The following CACNA1B variants were observed in gnomAD, a reference collection of about 807,000 sequenced individuals.
The protein encoded by CACNA1B is calcium voltage-gated channel subunit alpha1 B, also known as voltage-dependent N-type calcium channel subunit alpha-1B.
In CACNA1B, 70 loss-of-function variants were observed where a neutral mutation model predicts 247.2. That is an observed-to-expected ratio of 0.28 (90% CI 0.23 to 0.35). The LOEUF (loss-of-function observed/expected upper bound fraction) is 0.35, where lower values mean the gene tolerates loss of function less well. Ranked by LOEUF, CACNA1B falls within the 10% of genes least tolerant of loss-of-function variation. CACNA1B has a pLI of 1.00. For missense variants in CACNA1B, 2,367 were observed against 3,197.4 expected, an observed-to-expected ratio of 0.74 and a Z score of 6.26; for synonymous variants, 1,231 against 1,294.4, an observed-to-expected ratio of 0.95 and a Z score of 1.05.
At chr9:137,931,944 A>G (rs1957612850) in intron 6 of CACNA1B, among the ~76,000 whole-genome samples, 1 of 152,192 alleles carries the variant, frequency 6.6e-6, no homozygotes, top group Non-Finnish European at 1.5e-5. Flanking sequence ...TGACTCAGAC[A>G]GCTGTTGTCG....
rs549616220 is a variant in CACNA1B at position 137,990,802 on chromosome 9, C to T, written c.1974+3948C>T. Among the ~76,000 whole-genome samples the T allele has an allele frequency of 4.6e-5, 7 of 152,338 alleles. No homozygotes were observed. In the South Asian group the frequency reaches 6.2e-4, roughly 14 times the overall value. On this transcript the variant is annotated intron_variant, in intron 15 of 46. Coordinates refer to ENST00000371372, the MANE Select transcript of CACNA1B (RefSeq NM_000718.4). The surrounding 1 kb of genome is among the most constrained non-coding windows in gnomAD (Gnocchi z 4.5). ...ACTCTTGACAGACACTCCCCAGTAC[C>T]AGCCTGAAGCCTGGTAGCTCCACTG...
At chr9:137,905,287 A>G (rs1292536316) in intron 3 of CACNA1B, among the ~76,000 whole-genome samples, 5 of 151,108 alleles carry the variant, frequency 3.3e-5, no homozygotes, top group African/African-American at 1.2e-4. Flanking sequence ...CAGGAGGCGG[A>G]GCTTGCAGTG....
At chr9:138,048,334 C>T (rs866348886) in intron 23 of CACNA1B, among the ~76,000 whole-genome samples, 6 of 152,178 alleles carry the variant, frequency 3.9e-5, no homozygotes, top group South Asian at 2.1e-4. Context: ...GGGATCTGGG[C>T]GAGCTCTGAG....
Position 137,977,897 on chromosome 9 carries a change from G to A in CACNA1B, c.1656+1878G>A, listed in dbSNP as rs866105942. 7.9e-5 allele frequency among the ~76,000 whole-genome samples: 12 copies of A among 151,160 alleles called. 1 individual carries two copies. Among genetic ancestry groups the A allele is most frequent in the South Asian group, 4.2e-4 (2 of 4,772 alleles). Reference sequence around the variant, plus strand: ...AGTCCCCCAGGAAGGAGTAACAGGCGGGTGCACTACCCCCGCAGGAAGGAG... The same window carrying A: ...AGTCCCCCAGGAAGGAGTAACAGGCAGGTGCACTACCCCCGCAGGAAGGAG... On this transcript the variant is annotated intron_variant, in intron 12 of 46. Transcript: ENST00000371372.
At chr9:138,074,819 G>A (rs1313236066) in intron 34 of CACNA1B, among the ~76,000 whole-genome samples, 4 of 152,242 alleles carry the variant, frequency 2.6e-5, no homozygotes, top group South Asian at 2.1e-4. Context: ...GCACAGTGGC[G>A]GTCGGTTATC....
intron 13 of CACNA1B, 22 bp downstream of exon 13, chr9:137,984,272 G>T: frequency 1.3e-6 from 2 of 1,522,594 alleles, no homozygotes; most frequent in Non-Finnish European, 1.8e-6. Flanking sequence ...GCGCTCCCAG[G>T]CGAGGGCAGG....
chr9:137,929,968 G>GT (rs573447619), intron 6 of CACNA1B, among the ~76,000 whole-genome samples: 21 of 150,938 alleles, frequency 1.4e-4, no homozygotes, highest in East Asian at 3.9e-4. Context: ...TTTTAAAACT[G>GT]TTTTTTTTTG....
intron 37 of CACNA1B, among the ~76,000 whole-genome samples, chr9:138,098,663 A>G (rs1218686838): frequency 6.6e-6 from 1 of 152,212 alleles, no homozygotes; most frequent in Non-Finnish European, 1.5e-5. Context: ...GCACAGTGGT[A>G]CCATACCAAA....
chr9:138,076,715 T>A (rs1021604312), intron 35 of CACNA1B, among the ~76,000 whole-genome samples: 4 of 152,194 alleles, frequency 2.6e-5, no homozygotes, highest in African/African-American at 9.6e-5. Flanking sequence ...CTCCCACAGT[T>A]TATCACTCAC....
chr9:138,024,327 G>T lies in CACNA1B; in HGVS notation c.3068+516G>T, dbSNP rs551071036. On this transcript the variant is annotated intron_variant, in intron 19 of 46. Coordinates refer to ENST00000371372, the MANE Select transcript of CACNA1B (RefSeq NM_000718.4). The stretch of plus-strand genomic sequence containing the variant: ...CCCTGGGGCAGGACTCACCAACCCC[G>T]TGAGGGCCTGGGGTAACAGTGGTCC... Among the ~76,000 whole-genome samples the T allele has an allele frequency of 4.6e-5, 7 of 152,278 alleles. No individual in the cohort carries two copies. In the South Asian group the frequency reaches 1.4e-3, roughly 32 times the overall value.
At position 137,986,503 on chromosome 9, in the gene CACNA1B, T is replaced by C. The variant is rs1958363756; in HGVS notation, c.1860T>C (p.Ile620=). The part of the protein sequence containing the change: ...ISLLFLLFLF[I]VVFALLGMQL... ...TGCTCTTCTTGCTCTTCCTGTTCAT[T>C]GTGGTCTTCGCCCTGCTGGGGATGC... Residue 620 remains isoleucine, a synonymous_variant, in exon 14 of 47, where the codon ATT becomes ATC. Coordinates refer to ENST00000371372, the MANE Select transcript of CACNA1B (RefSeq NM_000718.4). The surrounding 1 kb of genome is among the most constrained non-coding windows in gnomAD (Gnocchi z 6.0). 2 of 1,613,908 alleles carry C rather than the reference T, an allele frequency of 1.2e-6. No individual in the cohort carries two copies. Among genetic ancestry groups the C allele is most frequent in the Non-Finnish European group, 1.7e-6 (2 of 1,179,836 alleles).
Position 137,914,172 on chromosome 9 carries a change from C to T in CACNA1B, c.623-482C>T, listed in dbSNP as rs1957386886. On this transcript the variant is annotated intron_variant, in intron 4 of 46. Coordinates refer to ENST00000371372, the MANE Select transcript of CACNA1B (RefSeq NM_000718.4). The surrounding 1 kb of genome is among the most constrained non-coding windows in gnomAD (Gnocchi z 4.3). ...TCCCCTCCTCTTAGCTCCCAGCATT[C>T]TCTGCTCCTTCCTCCCAGGATCCCC... Among the ~76,000 whole-genome samples, 1 of 152,054 alleles carries T rather than the reference C, an allele frequency of 6.6e-6. No homozygotes were observed. Among genetic ancestry groups the T allele is most frequent in the Non-Finnish European group, 1.5e-5 (1 of 67,966 alleles).
chr9:138,071,455 C>G (rs532112417), intron 32 of CACNA1B, among the ~76,000 whole-genome samples: 2 of 152,306 alleles, frequency 1.3e-5, no homozygotes, highest in South Asian at 2.1e-4. Flanking sequence ...GTCCCTTGCT[C>G]TCCTGCATGC....
At chr9:137,933,169 A>G (rs934444216) in intron 6 of CACNA1B, among the ~76,000 whole-genome samples, 1 of 151,924 alleles carries the variant, frequency 6.6e-6, no homozygotes, top group Non-Finnish European at 1.5e-5. Flanking sequence ...TTCTGACCTC[A>G]TGATCTGCCT....
At chr9:138,082,076 A>C (rs1398872497) in intron 36 of CACNA1B, among the ~76,000 whole-genome samples, 1 of 151,312 alleles carries the variant, frequency 6.6e-6, no homozygotes, top group African/African-American at 2.4e-5. Context: ...GTAAATCTTT[A>C]TGACGTTTTA....
intron 20 of CACNA1B, among the ~76,000 whole-genome samples, chr9:138,037,693 A>G (rs1279320999): frequency 6.6e-6 from 1 of 151,980 alleles, no homozygotes; most frequent in East Asian, 1.9e-4. Flanking sequence ...GAGAGAAAAA[A>G]TCCAGTTCCC....
intron 36 of CACNA1B, among the ~76,000 whole-genome samples, chr9:138,080,638 C>T (rs1365405101): frequency 1.3e-5 from 2 of 152,116 alleles, no homozygotes; most frequent in Non-Finnish European, 2.9e-5. Flanking sequence ...GAGACAAAAA[C>T]AGCAAGCCAG....
intron 3 of CACNA1B, among the ~76,000 whole-genome samples, chr9:137,911,655 G>C (rs907847826): frequency 6.6e-6 from 1 of 152,166 alleles, no homozygotes; most frequent in Non-Finnish European, 1.5e-5. Context: ...CTGACCTCAG[G>C]GGATCCACCT....
intron 34 of CACNA1B, 30 bp from the exon 35 acceptor site, chr9:138,075,789 G>C: frequency 6.8e-7 from 1 of 1,468,886 alleles, no homozygotes; most frequent in Non-Finnish European, 9.5e-7. Context: ...GACCCAGCAG[G>C]GTCCGTGCCA....
Sources: gnomAD v4.1 joint callset for allele counts (sites outside exome capture counted in the v4.1 genomes callset) on GRCh38, gnomAD v4.1.1 for gene constraint, Gnocchi (gnomAD v3.1) non-coding constraint, MANE v1.5 for transcripts, NCBI Gene and HGNC (gene_info 2026-07-23, HGNC 2026-07-21) for gene names.